The following SLC6A5 variants were observed in gnomAD, a reference collection of about 807,000 sequenced individuals.
The protein encoded by SLC6A5 is sodium- and chloride-dependent glycine transporter 2.
SLC6A5 carries 58 observed loss-of-function variants against 90.5 expected under a neutral mutation model. That is an observed-to-expected ratio of 0.64 (90% CI 0.52 to 0.80). SLC6A5 has a LOEUF of 0.80. Among genes scored for constraint, SLC6A5 ranks in the 30% least tolerant of loss-of-function variants. The pLI is 0.00. For synonymous variants in SLC6A5, 427 were observed against 401.4 expected, an observed-to-expected ratio of 1.06 and a Z score of -0.76; for missense variants, 1,015 against 1,017.6, an observed-to-expected ratio of 1.00 and a Z score of 0.03.
intron 7 of SLC6A5, among the ~76,000 whole-genome samples, chr11:20,625,996 A>C (rs1852986600): frequency 6.6e-6 from 1 of 152,216 alleles, no homozygotes; most frequent in Non-Finnish European, 1.5e-5. Flanking sequence ...CCCAGCTCAT[A>C]GGAGGCCCTC....
chr11:20,600,402 GA>G (rs1196818927), intron 1 of SLC6A5, among the ~76,000 whole-genome samples: 12 of 138,500 alleles, frequency 8.7e-5, no homozygotes, highest in Non-Finnish European at 1.8e-4. Flanking sequence ...AGAAGAAGAA[GA>G]AGAAGAAGAC....
At chr11:20,618,965 C>G (rs1441630454) in intron 7 of SLC6A5, among the ~76,000 whole-genome samples, 6 of 151,544 alleles carry the variant, frequency 4.0e-5, no homozygotes, top group African/African-American at 1.5e-4. Context: ...CACACACACA[C>G]ACACACACAC....
intron 7 of SLC6A5, among the ~76,000 whole-genome samples, chr11:20,625,646 C>T (rs752704566): frequency 1.6e-4 from 25 of 152,328 alleles, no homozygotes; most frequent in Middle Eastern, 3.4e-3. Flanking sequence ...CTTCCCATGA[C>T]GTGGTCTCCT....
At position 20,599,672 on chromosome 11, in the gene SLC6A5, C is replaced by T; in HGVS notation, c.-1C>T. 6.2e-7 allele frequency: 1 copy of T among 1,613,928 alleles called. No individual in the cohort carries two copies. Among genetic ancestry groups the T allele is most frequent in the Non-Finnish European group, 8.5e-7 (1 of 1,180,012 alleles). ...AGTTCAGTCTGTTGCCTGTGTCAGA[C>T]ATGGTGAGTGTTTGCTTTTGTTCTT... On this transcript the variant is annotated 5_prime_UTR_variant, in exon 1 of 16. Coordinates refer to ENST00000525748, the MANE Select transcript of SLC6A5 (RefSeq NM_004211.5).
chr11:20,624,737 T>C (rs1852959285), intron 7 of SLC6A5, among the ~76,000 whole-genome samples: 1 of 152,162 alleles, frequency 6.6e-6, no homozygotes, highest in East Asian at 1.9e-4. Flanking sequence ...TGGGCCTGGA[T>C]GGGAGCTTAA....
At chr11:20,627,475 A>G (rs544537451) in intron 8 of SLC6A5, among the ~76,000 whole-genome samples, 20 of 152,352 alleles carry the variant, frequency 1.3e-4, no homozygotes, top group Non-Finnish European at 2.5e-4. Context: ...CACAAAACAG[A>G]AAGTCTCCAC....
At chr11:20,629,341 A>T (rs1212333300) in intron 9 of SLC6A5, 1 of 151,154 alleles carries the variant, frequency 6.6e-6, no homozygotes, top group East Asian at 1.9e-4. Flanking sequence ...TCCCTCACAC[A>T]TAGTTCCTGT....
intron 3 of SLC6A5, among the ~76,000 whole-genome samples, chr11:20,605,563 C>T (rs1324865549): frequency 6.6e-6 from 1 of 152,210 alleles, no homozygotes; most frequent in African/African-American, 2.4e-5. Flanking sequence ...CCGCAGGGCG[C>T]CCTCAGGCCA....
In SLC6A5 at chr11:20,610,413, G is replaced by A. The variant is rs183253308; in HGVS notation, c.985+2761G>A. Among the ~76,000 whole-genome samples the A allele has an allele frequency of 5.1e-4, 78 of 152,348 alleles. No homozygotes were observed. In the East Asian group the frequency reaches 7.7e-3, roughly 15 times the overall value. On this transcript the variant is annotated intron_variant, in intron 5 of 15. Coordinates refer to ENST00000525748, the MANE Select transcript of SLC6A5 (RefSeq NM_004211.5). ...ACGGTGACCTTGTGCTGCTGCGGCG[G>A]CAGTGATCTACAGACATCCAGAGAC...
At chr11:20,626,624 A>G (rs1852999751) in intron 7 of SLC6A5, 84 bp from the exon 8 acceptor site, 4 of 1,462,824 alleles carry the variant, frequency 2.7e-6, no homozygotes, top group East Asian at 2.3e-5. Context: ...GCGCAGCCCC[A>G]CTCTTCCCCG....
intron 3 of SLC6A5, among the ~76,000 whole-genome samples, chr11:20,605,878 G>A (rs1400764729): frequency 6.6e-6 from 1 of 152,234 alleles, no homozygotes; most frequent in Non-Finnish European, 1.5e-5. Context: ...GGATAAAGCA[G>A]GACCCCGGTT....
chr11:20,654,991 G>T lies in SLC6A5; in HGVS notation c.*123G>T, dbSNP rs372260062. On this transcript the variant is annotated 3_prime_UTR_variant, in exon 16 of 16. Transcript: ENST00000525748. ...TTCCTACATCTTGGTTCACATCCACGCATGAGAGTGATTATGTAGAAAAGT... is the reference window on the plus strand; with the variant it reads ...TTCCTACATCTTGGTTCACATCCACTCATGAGAGTGATTATGTAGAAAAGT... 3.9e-6 allele frequency: 4 copies of T among 1,029,166 alleles called. No individual in the cohort carries two copies. Among genetic ancestry groups the T allele is most frequent in the African/African-American group, 3.2e-5 (2 of 63,428 alleles). The allele number at this position is 1,029,166 out of a possible 1,614,324, so 63.8% of individuals were successfully genotyped here. A position where few individuals can be genotyped will look rare whatever the true frequency, so the allele number is the denominator to read the frequency against.
intron 2 of SLC6A5, among the ~76,000 whole-genome samples, chr11:20,602,929 CAGA>C (rs1489322280): frequency 1.3e-5 from 2 of 152,208 alleles, no homozygotes; most frequent in African/African-American, 4.8e-5. Flanking sequence ...CGCACTGCGG[CAGA>C]AGGAGCTGGA....
rs532856443 is a variant in SLC6A5, at chr11:20,631,296, A to G, written c.1624+481A>G. On this transcript the variant is annotated intron_variant, in intron 10 of 15. Transcript: ENST00000525748. The stretch of plus-strand genomic sequence containing the variant: ...AGCACTTTTCTGATTGTTAGGTCAA[A>G]TGTGCTTTCAGGGCCTTCTGCTTAG... Among the ~76,000 whole-genome samples, 3 of 152,318 alleles carry G rather than the reference A, an allele frequency of 2.0e-5. No homozygotes were observed. The East Asian group carries it at 5.8e-4, about 29-fold the overall frequency.
In SLC6A5 at chr11:20,657,498, G is replaced by A. The variant is rs760117620; in HGVS notation, c.*2630G>A. On this transcript the variant is annotated 3_prime_UTR_variant, in exon 16 of 16. Transcript: ENST00000525748. ...AAATTTACCTGGAAATGGTTACCTT[G>A]TAAATTTAGCTTGTCTAATGGATTG... 2.0e-5 allele frequency: 3 copies of A among 152,034 alleles called. No individual in the cohort carries two copies. The highest frequency in any genetic ancestry group is 7.3e-5 in the African/African-American group (3 of 41,378). The allele number at this position is 152,034 out of a possible 1,614,324, so 9.4% of individuals were successfully genotyped here.
chr11:20,609,315 G>A (rs1285518950), intron 5 of SLC6A5, among the ~76,000 whole-genome samples: 1 of 151,402 alleles, frequency 6.6e-6, no homozygotes, highest in African/African-American at 2.4e-5. Flanking sequence ...GAAAAACAAG[G>A]TGTCAATCCA....
chr11:20,600,387 G>GAAT, intron 1 of SLC6A5, among the ~76,000 whole-genome samples: 1 of 149,076 alleles, frequency 6.7e-6, no homozygotes, highest in Non-Finnish European at 1.5e-5. Flanking sequence ...AGAAGAAGAA[G>GAAT]AAGAAGAAGA....
chr11:20,630,923 G>T (rs1177517887), intron 10 of SLC6A5, 108 bp downstream of exon 10: 84 of 1,296,586 alleles, frequency 6.5e-5, no homozygotes, highest in Non-Finnish European at 8.2e-5. Context: ...CAGGATAGAG[G>T]GTGGAGGAGC....
intron 5 of SLC6A5, 46 bp downstream of exon 5, chr11:20,607,698 C>T: frequency 1.3e-6 from 2 of 1,483,828 alleles, no homozygotes; most frequent in African/African-American, 1.4e-5. Flanking sequence ...TCTAAACTAT[C>T]CATTTATTCA....
Sources: gnomAD v4.1 joint callset for allele counts (sites outside exome capture counted in the v4.1 genomes callset) on GRCh38, gnomAD v4.1.1 for gene constraint, MANE v1.5 for transcripts, NCBI Gene and HGNC (gene_info 2026-07-23, HGNC 2026-07-21) for gene names.